The following WWOX variants were observed in gnomAD, a reference collection of about 807,000 sequenced individuals.
The protein encoded by WWOX is WW domain-containing oxidoreductase.
A neutral mutation model predicts 46.2 loss-of-function variants in WWOX; 69 were observed. That is an observed-to-expected ratio of 1.49 (90% CI 1.23 to 1.82). WWOX has a LOEUF of 1.82. Ranked by LOEUF, WWOX falls within the 40% of genes most tolerant of loss-of-function variation. The probability of loss-of-function intolerance (pLI) is 0.00; values close to 1 mark genes in which losing one functional copy is unlikely to be tolerated. For missense variants in WWOX, 919 were observed against 542.6 expected (o/e 1.69, Z -6.89); for synonymous variants, 359 against 202.6 (o/e 1.77, Z -6.56).
intron 1 of WWOX, among the ~76,000 whole-genome samples, chr16:78,106,570 C>T (rs376117968): frequency 1.5e-4 from 23 of 152,080 alleles, no homozygotes; most frequent in African/African-American, 5.3e-4. Flanking sequence ...GCATGTGCCA[C>T]CACGCCAGGC....
At chr16:78,532,508 G>C (rs923964211) in intron 8 of WWOX, among the ~76,000 whole-genome samples, 2 of 152,098 alleles carry the variant, frequency 1.3e-5, no homozygotes, top group Non-Finnish European at 2.9e-5. Context: ...ATAAGAAACA[G>C]CAGGCATAGT....
chr16:79,040,376 G>A (rs893209843), intron 8 of WWOX, among the ~76,000 whole-genome samples: 1 of 149,472 alleles, frequency 6.7e-6, no homozygotes, highest in Non-Finnish European at 1.5e-5. Context: ...CCAGGCCCAA[G>A]CGATCCTCCT....
chr16:78,926,995 C>T (rs377112997), intron 8 of WWOX, among the ~76,000 whole-genome samples: 3 of 152,112 alleles, frequency 2.0e-5, no homozygotes, highest in African/African-American at 4.8e-5. Flanking sequence ...GGGGTTTTGG[C>T]ATGTTTCCCA....
In WWOX at chr16:78,184,990, C is replaced by G. The variant is rs183888921; in HGVS notation, c.516+20701C>G. On this transcript the variant is annotated intron_variant, in intron 5 of 8. Transcript: ENST00000566780. ...GTGAGATGGGGATCTCACTCAGCCA[C>G]CGGGGCCCACAGAGCAGCCTGCACT... 2.6e-3 allele frequency among the ~76,000 whole-genome samples: 394 copies of G among 152,316 alleles called. 1 individual carries two copies. The highest frequency in any genetic ancestry group is 4.4e-3 in the Non-Finnish European group (296 of 68,022).
intron 8 of WWOX, among the ~76,000 whole-genome samples, chr16:79,178,576 C>G (rs1474298342): frequency 6.6e-6 from 1 of 152,166 alleles, no homozygotes; most frequent in Non-Finnish European, 1.5e-5. Context: ...CTCGACCTCT[C>G]AAAGTGCTAG....
intron 8 of WWOX, among the ~76,000 whole-genome samples, chr16:78,544,694 C>T (rs375101177): frequency 1.2e-4 from 18 of 150,418 alleles, no homozygotes; most frequent in African/African-American, 2.7e-4. Flanking sequence ...GCAACAGAGC[C>T]AGACCATCCA....
At chr16:78,328,446 G>A (rs1342941645) in intron 5 of WWOX, among the ~76,000 whole-genome samples, 1 of 152,156 alleles carries the variant, frequency 6.6e-6, no homozygotes, top group East Asian at 1.9e-4. Flanking sequence ...TATTTCTGTG[G>A]CTTTGGATGA....
At chr16:78,231,242 T>C (rs2037252052) in intron 5 of WWOX, among the ~76,000 whole-genome samples, 1 of 152,244 alleles carries the variant, frequency 6.6e-6, no homozygotes, top group South Asian at 2.1e-4. Context: ...CAAACTCTTT[T>C]ATGGATTTTA....
chr16:79,055,268 A>G (rs1041617934), intron 8 of WWOX, among the ~76,000 whole-genome samples: 5 of 150,016 alleles, frequency 3.3e-5, no homozygotes, highest in African/African-American at 1.3e-4. Context: ...AATTAACATT[A>G]CATTTTGCTG....
intron 8 of WWOX, among the ~76,000 whole-genome samples, chr16:78,967,566 G>A (rs71398118): frequency 6.7e-6 from 1 of 148,426 alleles, no homozygotes; most frequent in African/African-American, 2.5e-5. Flanking sequence ...TGGCCTCCCA[G>A]AGTGCTGGGA....
rs116752583 is a variant in WWOX at position 79,183,261 on chromosome 16, C to G, written c.1057-28347C>G. On this transcript the variant is annotated intron_variant, in intron 8 of 8. Coordinates refer to ENST00000566780, the MANE Select transcript of WWOX (RefSeq NM_016373.4). ...TTTTCTTGCAAACCTAATGTAGGTA[C>G]AAGGTCAAGGCTCCCTGTGAGGCTT... is the stretch of plus-strand genomic sequence containing the variant. Among the ~76,000 whole-genome samples, 844 of 152,300 alleles carry G rather than the reference C, an allele frequency of 5.5e-3. 5 individuals carry two copies. The highest frequency in any genetic ancestry group is 0.019 in the African/African-American group (794 of 41,554).
At chr16:78,864,469 A>G (rs933681840) in intron 8 of WWOX, among the ~76,000 whole-genome samples, 1 of 151,918 alleles carries the variant, frequency 6.6e-6, no homozygotes, top group Non-Finnish European at 1.5e-5. Flanking sequence ...AGGTTTCTCC[A>G]TGTTGCCAAG....
At chr16:79,010,985 TAG>T (rs1310512935) in intron 8 of WWOX, among the ~76,000 whole-genome samples, 1 of 152,080 alleles carries the variant, frequency 6.6e-6, no homozygotes, top group Non-Finnish European at 1.5e-5. Context: ...AGGCTCTGAG[TAG>T]AGGAGTAGCA....
intron 8 of WWOX, among the ~76,000 whole-genome samples, chr16:79,067,960 A>G (rs944594874): frequency 2.0e-5 from 3 of 152,142 alleles, no homozygotes; most frequent in African/African-American, 7.2e-5. Flanking sequence ...CCAATAAATA[A>G]TTAGTTTTGA....
chr16:78,358,874 T>C (rs1456070334), intron 5 of WWOX, among the ~76,000 whole-genome samples: 1 of 150,542 alleles, frequency 6.6e-6, no homozygotes, highest in Admixed American at 6.6e-5. Context: ...GTCTTTTTTT[T>C]TTTTTTTTTT....
intron 5 of WWOX, among the ~76,000 whole-genome samples, chr16:78,373,206 C>G (rs1455761508): frequency 6.6e-6 from 1 of 152,150 alleles, no homozygotes; most frequent in East Asian, 1.9e-4. Context: ...TCAATAGGTA[C>G]TAGATCTACC....
chr16:78,784,326 C>T (rs2050403082), intron 8 of WWOX, among the ~76,000 whole-genome samples: 1 of 152,016 alleles, frequency 6.6e-6, no homozygotes, highest in East Asian at 1.9e-4. Context: ...CTTTTGTGAC[C>T]CTGATGAGAT....
intron 8 of WWOX, among the ~76,000 whole-genome samples, chr16:79,085,372 T>C (rs1482192820): frequency 6.6e-6 from 1 of 152,182 alleles, no homozygotes; most frequent in Non-Finnish European, 1.5e-5. Flanking sequence ...CAGATGATGC[T>C]TTTCACTCTT....
intron 8 of WWOX, among the ~76,000 whole-genome samples, chr16:78,772,472 A>C (rs953125474): frequency 5.3e-5 from 8 of 152,000 alleles, no homozygotes; most frequent in Non-Finnish European, 4.4e-5. Flanking sequence ...ATTCCAGTAG[A>C]CGTGTAATTC....
Sources: gnomAD v4.1 joint callset for allele counts (sites outside exome capture counted in the v4.1 genomes callset) on GRCh38, gnomAD v4.1.1 for gene constraint, MANE v1.5 for transcripts, NCBI Gene and HGNC (gene_info 2026-07-23, HGNC 2026-07-21) for gene names.